The following TBL1Y variants were observed in gnomAD, a reference collection of about 807,000 sequenced individuals.
TBL1Y encodes the protein F-box-like/WD repeat-containing protein TBL1Y.
Under a neutral mutation model 12.0 loss-of-function variants are expected in TBL1Y, and 15 were observed. That is an observed-to-expected ratio of 1.25 (90% confidence interval 0.83 to 1.92). TBL1Y has a LOEUF of 1.92. TBL1Y is among the 40% of genes most tolerant of loss of function. TBL1Y has a pLI of 0.00. For synonymous variants in TBL1Y, 53 were observed against 42.6 expected (o/e 1.24, Z -0.95); for missense variants, 148 against 116.7 (o/e 1.27, Z -1.24).
Position 6,976,524 on chromosome Y carries a change from G to A in TBL1Y, c.-265-1689G>A, listed in dbSNP as rs752034250. Among the ~76,000 whole-genome samples, 20 of 33,014 alleles carry A rather than the reference G, an allele frequency of 6.1e-4. No homozygotes were observed. In the East Asian group the frequency reaches 0.015, roughly 25 times the overall value. 88.6% of individuals were successfully genotyped at this position (33,014 alleles called of 37,273 possible). The stretch of plus-strand genomic sequence containing the variant: ...ATGTAATATCTCTATTCCTTCCATC[G>A]TCTGCCTAACCTAGATATCCTTCAT... On this transcript the variant is annotated intron_variant, in intron 2 of 18. Coordinates refer to ENST00000383032, the MANE Select transcript of TBL1Y (RefSeq NM_033284.2).
chrY:7,025,723 G>T (rs2012620538), intron 6 of TBL1Y, among the ~76,000 whole-genome samples: 1 of 33,574 alleles, frequency 3.0e-5, no homozygotes, highest in Admixed American at 2.7e-4. Context: ...TCCAGTTATA[G>T]TTACATTTGC....
intron 2 of TBL1Y, among the ~76,000 whole-genome samples, chrY:6,933,061 C>T (rs2011877278): frequency 3.0e-5 from 1 of 33,177 alleles, no homozygotes; most frequent in Non-Finnish European, 7.4e-5. Flanking sequence ...CCATTATGCC[C>T]GGCTAATTCT....
chrY:7,012,664 A>G, intron 4 of TBL1Y, among the ~76,000 whole-genome samples: 1 of 34,157 alleles, frequency 2.9e-5, no homozygotes, highest in East Asian at 7.7e-4. Context: ...AAAGCATTTC[A>G]GATAGCTTCA....
chrY:7,045,923 G>C (rs1198819651), intron 7 of TBL1Y, among the ~76,000 whole-genome samples: 1 of 32,909 alleles, frequency 3.0e-5, no homozygotes. Flanking sequence ...TTGTCTGTTG[G>C]GGCCTATTGC....
chrY:7,067,517 A>G (rs2012994876), intron 8 of TBL1Y, among the ~76,000 whole-genome samples: 1 of 33,526 alleles, frequency 3.0e-5, no homozygotes, highest in Non-Finnish European at 7.4e-5. Flanking sequence ...ACTTGAGCCC[A>G]TGGGCTTGGT....
intron 13 of TBL1Y, among the ~76,000 whole-genome samples, chrY:7,078,836 G>T: frequency 6.0e-5 from 2 of 33,482 alleles, no homozygotes; most frequent in African/African-American, 2.3e-4. Context: ...GGCATCCCAT[G>T]GCCTTTTTTC....
At chrY:6,972,901 G>A (rs959428578) in intron 2 of TBL1Y, among the ~76,000 whole-genome samples, 1 of 33,512 alleles carries the variant, frequency 3.0e-5, no homozygotes, top group Non-Finnish European at 7.4e-5. Context: ...TGCATGAGGT[G>A]GCTTCCCCAT....
chrY:6,982,093 A>G (rs2012287919), intron 3 of TBL1Y, among the ~76,000 whole-genome samples: 1 of 33,462 alleles, frequency 3.0e-5, no homozygotes, highest in Non-Finnish European at 7.3e-5. Flanking sequence ...TACTGTATGT[A>G]TGAAAATCAG....
chrY:6,923,357 G>A (rs2011795723), intron 2 of TBL1Y, among the ~76,000 whole-genome samples: 1 of 32,642 alleles, frequency 3.1e-5, no homozygotes. Flanking sequence ...GTGAGCCACC[G>A]CGCCCGGCTG....
chrY:7,064,228 C>G, intron 8 of TBL1Y, 79 bp downstream of exon 8: 5 of 330,035 alleles, frequency 1.5e-5, no homozygotes, highest in Middle Eastern at 8.3e-4. Flanking sequence ...AGTCTGAATG[C>G]CTTCTTAAAA....
At chrY:6,984,820 T>C in intron 3 of TBL1Y, among the ~76,000 whole-genome samples, 1 of 33,988 alleles carries the variant, frequency 2.9e-5, no homozygotes, top group Non-Finnish European at 7.3e-5. Context: ...GTCTGGTTTG[T>C]TACCTGAGGC....
At chrY:7,062,843 C>G (rs572814021) in intron 7 of TBL1Y, among the ~76,000 whole-genome samples, 2,820 of 33,249 alleles carry the variant, frequency 0.085, no homozygotes, top group Non-Finnish European at 0.029. Flanking sequence ...TTTTTAACCT[C>G]TAAGCCGCCC....
At chrY:7,027,889 T>C (rs2124154638) in intron 6 of TBL1Y, among the ~76,000 whole-genome samples, 3 of 33,642 alleles carry the variant, frequency 8.9e-5, no homozygotes, top group Non-Finnish European at 2.2e-4. Context: ...ATTCCTCAAA[T>C]ACCTCTAGTC....
At position 7,080,802 on chromosome Y, in the gene TBL1Y, T is replaced by G. The variant is rs557418088; in HGVS notation, c.1026T>G (p.His342Gln). ...FASCSTDMCI[H>Q]VCRLGCDHPV... is the part of the protein sequence containing the mutation. ...CCTGTAGCACAGACATGTGTATCCA[T>G]GTGTGCAGGCTCGGCTGTGACCACC... is the stretch of plus-strand genomic sequence containing the variant. The change falls in exon 14 of 19, where the codon CAT becomes CAG. Residue 342 changes from histidine to glutamine, a missense_variant. Coordinates refer to ENST00000383032, the MANE Select transcript of TBL1Y (RefSeq NM_033284.2). 2.0e-5 allele frequency: 8 copies of G among 396,744 alleles called. No homozygotes were observed. The highest frequency in any genetic ancestry group is 1.8e-4 in the South Asian group (6 of 33,285).
intron 4 of TBL1Y, among the ~76,000 whole-genome samples, chrY:6,997,080 T>A: frequency 3.0e-5 from 1 of 33,829 alleles, no homozygotes; most frequent in Non-Finnish European, 7.3e-5. Context: ...TACTCTTCTG[T>A]GCTCATACAA....
intron 7 of TBL1Y, among the ~76,000 whole-genome samples, chrY:7,044,408 C>G: frequency 3.1e-5 from 1 of 32,078 alleles, no homozygotes; most frequent in Non-Finnish European, 7.6e-5. Context: ...GTCCCCAGCT[C>G]CATTTTTCTC....
At chrY:6,969,390 G>C (rs976221638) in intron 2 of TBL1Y, among the ~76,000 whole-genome samples, 1 of 33,701 alleles carries the variant, frequency 3.0e-5, no homozygotes, top group East Asian at 8.1e-4. Flanking sequence ...GTGAGGAGAA[G>C]GGTTGCCCAG....
chrY:6,975,917 G>A (rs2012236894), intron 2 of TBL1Y, among the ~76,000 whole-genome samples: 1 of 31,626 alleles, frequency 3.2e-5, no homozygotes, highest in Admixed American at 3.0e-4. Context: ...GTGTGTGTGT[G>A]TGTGTGTGTG....
chrY:7,050,545 A>C, intron 7 of TBL1Y, among the ~76,000 whole-genome samples: 1 of 28,770 alleles, frequency 3.5e-5, no homozygotes, highest in East Asian at 8.4e-4. Context: ...CAAATAGTTT[A>C]AAAATTTTCA....
Sources: allele counts gnomAD v4.1 joint callset (sites outside exome capture counted in the v4.1 genomes callset), GRCh38; gene constraint gnomAD v4.1.1; transcripts MANE v1.5; gene names NCBI Gene and HGNC (gene_info 2026-07-23, HGNC 2026-07-21).